Variants in NASP observed in about 807,000 individuals in gnomAD.
NASP encodes the protein NASP histone chaperone.
Under a neutral mutation model 89.5 loss-of-function variants are expected in NASP, and 24 were observed. The observed-to-expected ratio is 0.27, with a 90% CI of 0.19 to 0.38. NASP has a LOEUF of 0.38. NASP is among the 10% of genes least tolerant of loss of function. The pLI is 1.00. For missense variants in NASP, 848 were observed against 921.4 expected (o/e 0.92, Z 1.03); for synonymous variants, 306 against 324.7 (o/e 0.94, Z 0.62).
intron 2 of NASP, among the ~76,000 whole-genome samples, chr1:45,591,537 A>C (rs1643548656): frequency 6.6e-6 from 1 of 151,658 alleles, no homozygotes; most frequent in Admixed American, 6.6e-5. Flanking sequence ...AATTTTTTGG[A>C]GAGATGGGGT....
intron 2 of NASP, among the ~76,000 whole-genome samples, chr1:45,601,744 A>ATTTT (rs1421604346): frequency 2.3e-5 from 2 of 88,122 alleles, no homozygotes; most frequent in African/African-American, 3.6e-5. Flanking sequence ...CCGTTAAGAG[A>ATTTT]ATTTTTTTTT....
chr1:45,584,312 C>T (rs948882113), intron 1 of NASP, 107 bp downstream of exon 1: 5 of 1,023,088 alleles, frequency 4.9e-6, no homozygotes, highest in Middle Eastern at 4.4e-4. Flanking sequence ...TACTTGCCTT[C>T]CCAAGAGCAG....
intron 2 of NASP, among the ~76,000 whole-genome samples, chr1:45,597,695 T>C (rs1283136991): frequency 6.6e-6 from 1 of 152,178 alleles, no homozygotes; most frequent in East Asian, 1.9e-4. Context: ...CAGAGGCTTT[T>C]TGGGGGGCTT....
At position 45,615,474 on chromosome 1, in the gene NASP, T is replaced by G. The variant is rs1407523717; in HGVS notation, c.2022+3T>G. The stretch of plus-strand genomic sequence containing the variant: ...AACTGGCTCTGAAAGCTACTCTGGT[T>G]GGTTCCGTTAACATTTTGATAATAG... On this transcript the variant is annotated splice_donor_region_variant and intron_variant, in intron 11 of 14. Coordinates refer to ENST00000350030, the MANE Select transcript of NASP (RefSeq NM_002482.4). 4 of 1,606,972 alleles carry G rather than the reference T, an allele frequency of 2.5e-6. No individual in the cohort carries two copies. The African/African-American group carries it at 5.4e-5, about 22-fold the overall frequency.
At chr1:45,593,406 G>A (rs186676191) in intron 2 of NASP, among the ~76,000 whole-genome samples, 2 of 151,658 alleles carry the variant, frequency 1.3e-5, no homozygotes, top group African/African-American at 2.4e-5. Context: ...GGTGGCGGGC[G>A]CCTATAATCC....
intron 11 of NASP, 128 bp from the exon 12 acceptor site, chr1:45,616,209 T>C: frequency 1.2e-6 from 1 of 819,730 alleles, no homozygotes. Flanking sequence ...TAGAACTGGA[T>C]ACTATATGGA....
At chr1:45,616,471 G>C in intron 12 of NASP, 78 bp downstream of exon 12, 1 of 1,547,794 alleles carries the variant, frequency 6.5e-7, no homozygotes, top group Non-Finnish European at 8.9e-7. Flanking sequence ...AGCATTTTGG[G>C]AGGCCAAGGC....
At chr1:45,595,801 G>A (rs1643681728) in intron 2 of NASP, among the ~76,000 whole-genome samples, 2 of 152,210 alleles carry the variant, frequency 1.3e-5, no homozygotes, top group African/African-American at 2.4e-5. Flanking sequence ...CTCAGTCCTT[G>A]ACTACATGGT....
At chr1:45,590,068 C>T (rs1412543065) in intron 1 of NASP, among the ~76,000 whole-genome samples, 4 of 152,262 alleles carry the variant, frequency 2.6e-5, no homozygotes, top group South Asian at 4.1e-4. Context: ...TACCTCAAAC[C>T]TTCTGACTCA....
chr1:45,613,314 C>T, intron 7 of NASP, 66 bp downstream of exon 7: 1 of 1,529,782 alleles, frequency 6.5e-7, no homozygotes, highest in Non-Finnish European at 8.8e-7. Flanking sequence ...GGAGCTCACT[C>T]TTGTTGCCTA....
At chr1:45,597,463 C>T (rs188339118) in intron 2 of NASP, among the ~76,000 whole-genome samples, 3 of 152,130 alleles carry the variant, frequency 2.0e-5, no homozygotes, top group South Asian at 2.1e-4. Context: ...AAAGAAAACA[C>T]GGTAGAGTAG....
chr1:45,588,270 A>G (rs1644586988), intron 1 of NASP, among the ~76,000 whole-genome samples: 1 of 150,276 alleles, frequency 6.7e-6, no homozygotes, highest in Non-Finnish European at 1.5e-5. Context: ...CACCTGGCTA[A>G]TTTTTGTATT....
At chr1:45,602,710 C>T (rs936172814) in intron 3 of NASP, among the ~76,000 whole-genome samples, 8 of 151,940 alleles carry the variant, frequency 5.3e-5, no homozygotes, top group Non-Finnish European at 8.8e-5. Context: ...GTGGCACAAT[C>T]TCATGCTCAC....
intron 1 of NASP, among the ~76,000 whole-genome samples, chr1:45,584,763 T>C (rs908026593): frequency 1.3e-5 from 2 of 152,084 alleles, no homozygotes; most frequent in Admixed American, 6.5e-5. Context: ...GGCGGGGCCT[T>C]GAGGAGGCGG....
In NASP at chr1:45,584,110, T is replaced by A. The variant is rs375159010; in HGVS notation, c.-37T>A. The A allele has an allele frequency of 6.4e-7, 1 of 1,558,472 alleles. No individual in the cohort carries two copies. The highest frequency in any genetic ancestry group is 1.4e-5 in the African/African-American group (1 of 73,700). ...CAAATTGCCTGTTTTTCTCGCAGGCTCTATTCCGTTCGCTGGTTCGCCACC... is the reference window on the plus strand; with the variant it reads ...CAAATTGCCTGTTTTTCTCGCAGGCACTATTCCGTTCGCTGGTTCGCCACC... On this transcript the variant is annotated 5_prime_UTR_variant, in exon 1 of 15. Transcript: ENST00000350030.
At chr1:45,590,682 C>CTTTTTTTTT (rs386366869) in intron 1 of NASP, among the ~76,000 whole-genome samples, 2 of 107,202 alleles carry the variant, frequency 1.9e-5, no homozygotes, top group Non-Finnish European at 3.6e-5. Flanking sequence ...CATAGTGTAA[C>CTTTTTTTTT]TTTTTTTTTT....
At chr1:45,590,192 G>A (rs1271422205) in intron 1 of NASP, among the ~76,000 whole-genome samples, 1 of 152,066 alleles carries the variant, frequency 6.6e-6, no homozygotes, top group Non-Finnish European at 1.5e-5. Context: ...AACTATACAA[G>A]TACTGCCTTA....
At chr1:45,611,254 T>A (rs2148366043) in intron 6 of NASP, 1 of 152,336 alleles carries the variant, frequency 6.6e-6, no homozygotes, top group East Asian at 1.9e-4. Flanking sequence ...ACCTGGTATC[T>A]CTTCCTACTC....
chr1:45,608,040 G>A lies in NASP; in HGVS notation c.1129G>A (p.Asp377Asn). 2 of 1,614,018 alleles carry A rather than the reference G, an allele frequency of 1.2e-6. No individual in the cohort carries two copies. Among genetic ancestry groups the A allele is most frequent in the Non-Finnish European group, 1.7e-6 (2 of 1,179,910 alleles). The change falls in exon 6 of 15, where the codon GAT becomes AAT. Residue 377 changes from aspartate to asparagine, a missense_variant. Asp to Asn is a conservative substitution (Grantham distance 23). Around this residue, in one of 5 missense-constraint regions of NASP, gnomAD observed 464 missense variants for 469.4 expected, o/e 0.99. Transcript: ENST00000350030. ...GCAGGAGGCTCCAGTTCTCCCTAAG[G>A]ATGGTGCAGTCAATGGACCGTCAGT... ...PGQEAPVLPK[D>N]GAVNGPSVVG...
Sources: allele counts gnomAD v4.1 joint callset (sites outside exome capture counted in the v4.1 genomes callset), GRCh38; gene constraint gnomAD v4.1.1; regional missense constraint gnomAD v4.1.1; transcripts MANE v1.5; gene names NCBI Gene and HGNC (gene_info 2026-07-23, HGNC 2026-07-21).